The following PPIE variants were observed in gnomAD, a reference collection of about 807,000 sequenced individuals.
The protein encoded by PPIE is peptidyl-prolyl cis-trans isomerase E.
A neutral mutation model predicts 38.4 loss-of-function variants in PPIE; 20 were observed. The observed-to-expected ratio is 0.52, with a 90% CI of 0.37 to 0.76. The LOEUF (loss-of-function observed/expected upper bound fraction) is 0.76, where lower values mean the gene tolerates loss of function less well. Ranked by LOEUF, PPIE falls within the 30% of genes least tolerant of loss-of-function variation. PPIE has a pLI of 0.00. For missense variants in PPIE, 322 were observed against 385.8 expected (o/e 0.83, Z 1.39); for synonymous variants, 142 against 135.7 (o/e 1.05, Z -0.32).
downstream of PPIE, among the ~76,000 whole-genome samples, chr1:39,757,013 G>C (rs933934833): frequency 1.3e-5 from 2 of 152,202 alleles, no homozygotes; most frequent in African/African-American, 2.4e-5. Flanking sequence ...CTCTCAGCAG[G>C]ACATGGGATC....
intron 8 of PPIE, among the ~76,000 whole-genome samples, chr1:39,750,128 C>T (rs752198109): frequency 6.6e-6 from 1 of 151,788 alleles, no homozygotes; most frequent in African/African-American, 2.4e-5. Context: ...AGCGAAACTC[C>T]GTCTCGGAAA....
In PPIE at chr1:39,755,419, G is replaced by A. The variant is rs1648161108; in HGVS notation, c.*2064G>A. On this transcript the variant is annotated 3_prime_UTR_variant, in exon 10 of 10. Transcript: ENST00000324379. ...AGCTGCTACAGTTGACTGAGTTCAG[G>A]CTCCATGTAGCTGGGATATACTACA... The A allele has an allele frequency of 1.0e-6, 1 of 985,296 alleles. No individual in the cohort carries two copies. Among genetic ancestry groups the A allele is most frequent in the Non-Finnish European group, 1.2e-6 (1 of 829,938 alleles). 61.0% of individuals were successfully genotyped at this position (985,296 alleles called of 1,614,324 possible). A position where few individuals can be genotyped will look rare whatever the true frequency, so the allele number is the denominator to read the frequency against.
intron 9 of PPIE, 27 bp from the exon 10 acceptor site, chr1:39,753,260 C>T (rs1483729126): frequency 6.2e-7 from 1 of 1,612,802 alleles, no homozygotes; most frequent in South Asian, 1.1e-5. Flanking sequence ...TCCGGCCTTA[C>T]TCCCTCACTT....
downstream of PPIE, chr1:39,757,860 T>TATTTC (rs1289582275): frequency 6.6e-6 from 1 of 152,280 alleles, no homozygotes; most frequent in Admixed American, 6.5e-5. Context: ...TTTTCTATTT[T>TATTTC]ATTTCATTTG....
downstream of PPIE, chr1:39,760,472 C>T (rs749563176): frequency 6.2e-7 from 1 of 1,614,186 alleles, no homozygotes; most frequent in Non-Finnish European, 8.5e-7. Context: ...CGCAGGATGA[C>T]ATTGTTGCTG....
chr1:39,754,986 C>G lies in PPIE; in HGVS notation c.*1631C>G, dbSNP rs1391758172. The G allele has an allele frequency of 3.0e-6, 3 of 984,198 alleles. No homozygotes were observed. The highest frequency in any genetic ancestry group is 3.6e-6 in the Non-Finnish European group (3 of 828,914). The allele number at this position is 984,198 out of a possible 1,614,324, so 61.0% of individuals were successfully genotyped here. A position where few individuals can be genotyped will look rare whatever the true frequency, so the allele number is the denominator to read the frequency against. On this transcript the variant is annotated 3_prime_UTR_variant, in exon 10 of 10. Coordinates refer to ENST00000324379, the MANE Select transcript of PPIE (RefSeq NM_006112.4). ...TCCCAAGGCCTAAAATACTTACTAT[C>G]TGAGCCTTTACAAAACAGGATTGCC...
intron 3 of PPIE, 90 bp from the exon 4 acceptor site, chr1:39,741,805 T>A: frequency 6.9e-7 from 1 of 1,454,320 alleles, no homozygotes; most frequent in Non-Finnish European, 9.6e-7. Flanking sequence ...GTGGCATTTT[T>A]CTGGATTTTT....
rs779674759 is a variant in PPIE, at chr1:39,743,936, G to A, written c.384+12G>A. The A allele has an allele frequency of 1.6e-5, 26 of 1,588,524 alleles. No homozygotes were observed. Among genetic ancestry groups the A allele is most frequent in the Non-Finnish European group, 2.2e-5 (25 of 1,159,852 alleles). On this transcript the variant is annotated intron_variant, in intron 6 of 9. Coordinates refer to ENST00000324379, the MANE Select transcript of PPIE (RefSeq NM_006112.4). ...CAGAGACCCAGGAGGTGAGAATGAA[G>A]CTCCTGCTTCCAGAGCACAGGCCGG... is the stretch of plus-strand genomic sequence containing the variant.
intron 3 of PPIE, 38 bp downstream of exon 3, chr1:39,741,447 G>A: frequency 6.2e-7 from 1 of 1,605,336 alleles, no homozygotes; most frequent in Non-Finnish European, 8.5e-7. Context: ...TCCTTGGTTT[G>A]TGATGTTGTT....
intron 7 of PPIE, 145 bp from the exon 8 acceptor site, chr1:39,748,758 T>C (rs1247969371): frequency 1.4e-6 from 1 of 714,086 alleles, no homozygotes; most frequent in Non-Finnish European, 2.3e-6. Context: ...TCCCTTATAG[T>C]CCTTACAAGG....
Position 39,755,214 on chromosome 1 carries a change from T to C in PPIE, c.*1859T>C. 1.0e-6 allele frequency: 1 copy of C among 985,446 alleles called. No individual in the cohort carries two copies. The highest frequency in any genetic ancestry group is 1.2e-6 in the Non-Finnish European group (1 of 829,926). 61.0% of individuals were successfully genotyped at this position (985,446 alleles called of 1,614,324 possible). ...TGTTGGACACCTCCTGTGGGTTGGG[T>C]CACTCAGACCATTCAGAATCCACTG... On this transcript the variant is annotated 3_prime_UTR_variant, in exon 10 of 10. Coordinates refer to ENST00000324379, the MANE Select transcript of PPIE (RefSeq NM_006112.4).
rs1647865479 is a variant in PPIE, at chr1:39,752,732, CACTT to C, written c.695-175_695-172del. 2.0e-5 allele frequency among the ~76,000 whole-genome samples: 3 copies of C among 152,244 alleles called. No homozygotes were observed. In the South Asian group the frequency reaches 6.2e-4, roughly 31 times the overall value. ...CCAGTATAAAGTGATTGAAACACCT[CACTT>C]ACCATTTCACTGACTATTAACTGAA... On this transcript the variant is annotated intron_variant, in intron 8 of 9. Coordinates refer to ENST00000324379, the MANE Select transcript of PPIE (RefSeq NM_006112.4).
chr1:39,755,200 T>A lies in PPIE; in HGVS notation c.*1845T>A. ...CTGAGTCCTGTAGCTGTTGGACACC[T>A]CCTGTGGGTTGGGTCACTCAGACCA... On this transcript the variant is annotated 3_prime_UTR_variant, in exon 10 of 10. Transcript: ENST00000324379. The A allele has an allele frequency of 1.0e-6, 1 of 985,438 alleles. No individual in the cohort carries two copies. Among genetic ancestry groups the A allele is most frequent in the Non-Finnish European group, 1.2e-6 (1 of 829,944 alleles). The allele number at this position is 985,438 out of a possible 1,614,324, so 61.0% of individuals were successfully genotyped here. A position where few individuals can be genotyped will look rare whatever the true frequency, so the allele number is the denominator to read the frequency against.
chr1:39,763,782 T>C (rs17403490), exon 10 of PPIE: 24,001 of 1,555,068 alleles, frequency 0.015, 1,266 homozygotes, highest in Middle Eastern at 0.034. Context: ...GTGGGAGCCG[T>C]GGACGTCATC....
intron 8 of PPIE, among the ~76,000 whole-genome samples, chr1:39,750,093 A>G (rs1455340103): frequency 2.6e-5 from 4 of 151,908 alleles, no homozygotes; most frequent in African/African-American, 4.8e-5. Context: ...AGATCGCACC[A>G]TTGCACTCCA....
Position 39,753,646 on chromosome 1 carries a change from A to G in PPIE, c.*291A>G. On this transcript the variant is annotated 3_prime_UTR_variant, in exon 10 of 10. Transcript: ENST00000324379. ...CATTTGCTGCTGGGCCTCTCCTGGGACTACCAGTGTGGCTCTTACGTGTTT... is the reference window on the plus strand; with the variant it reads ...CATTTGCTGCTGGGCCTCTCCTGGGGCTACCAGTGTGGCTCTTACGTGTTT... The G allele has an allele frequency of 7.9e-7, 1 of 1,267,906 alleles. No individual in the cohort carries two copies. 78.5% of individuals were successfully genotyped at this position (1,267,906 alleles called of 1,614,324 possible).
Position 39,743,484 on chromosome 1 carries a change from A to G in PPIE, c.283+187A>G, listed in dbSNP as rs984063544. ...AGAAACAAGTGAGTTTGAGCTTCTC[A>G]GCAAAGCCAAAGTGATTGTTTCTGT... On this transcript the variant is annotated intron_variant, in intron 5 of 9. Coordinates refer to ENST00000324379, the MANE Select transcript of PPIE (RefSeq NM_006112.4). Among the ~76,000 whole-genome samples, 9 of 152,360 alleles carry G rather than the reference A, an allele frequency of 5.9e-5. No homozygotes were observed. In the South Asian group the frequency reaches 1.9e-3, roughly 32 times the overall value.
Position 39,743,271 on chromosome 1 carries a change from GAATT to G in PPIE, c.260_263del (p.Ile87ArgfsTer15). 1.9e-6 allele frequency: 3 copies of G among 1,614,148 alleles called. No individual in the cohort carries two copies. The highest frequency in any genetic ancestry group is 2.5e-6 in the Non-Finnish European group (3 of 1,180,008). On this transcript the variant is annotated frameshift_variant, in exon 5 of 10. Coordinates refer to ENST00000324379, the MANE Select transcript of PPIE (RefSeq NM_006112.4). LOFTEE classifies it high-confidence loss of function. ...CGTGTCAATTTGGCCAAACCAATGA[GAATT>G]AAGGAAGGCTCTTCCAGGCCAGGTG...
intron 7 of PPIE, chr1:39,746,725 T>C (rs1029050536): frequency 2.0e-5 from 3 of 152,236 alleles, no homozygotes; most frequent in African/African-American, 7.2e-5. Flanking sequence ...CTTCTTGGCT[T>C]TTACCAGCTT....
Sources: gnomAD v4.1 joint callset for allele counts (sites outside exome capture counted in the v4.1 genomes callset) on GRCh38, gnomAD v4.1.1 for gene constraint, MANE v1.5 for transcripts, NCBI Gene and HGNC (gene_info 2026-07-23, HGNC 2026-07-21) for gene names.